Variants in GALNT13 observed in about 807,000 individuals in gnomAD.
The protein encoded by GALNT13 is UDP-GalNAc:polypeptide N-acetylgalactosaminyltransferase 13.
A neutral mutation model predicts 64.2 loss-of-function variants in GALNT13; 28 were observed. The ratio of observed to expected loss-of-function variants is 0.44; its 90% CI spans 0.32 to 0.60. The LOEUF (loss-of-function observed/expected upper bound fraction) is 0.60. GALNT13 is among the 20% of genes least tolerant of loss of function. The pLI is 0.05. For synonymous variants in GALNT13, 214 were observed against 224.6 expected (o/e 0.95, Z 0.42); for missense variants, 577 against 669.8 (o/e 0.86, Z 1.53).
intron 8 of GALNT13, among the ~76,000 whole-genome samples, chr2:154,277,660 A>G (rs968079837): frequency 6.6e-6 from 1 of 152,166 alleles, no homozygotes; most frequent in Non-Finnish European, 1.5e-5. Context: ...CCAACTGTAA[A>G]AAATTGAGTG....
chr2:153,265,947 G>A, the GALNT13 span, among the ~76,000 whole-genome samples: 6 of 152,134 alleles, frequency 3.9e-5, no homozygotes, highest in Non-Finnish European at 1.5e-5. Flanking sequence ...CTACTAAAAA[G>A]CATCACATAC....
At chr2:154,406,731 C>A (rs982223556) in intron 10 of GALNT13, among the ~76,000 whole-genome samples, 3 of 152,070 alleles carry the variant, frequency 2.0e-5, no homozygotes, top group Non-Finnish European at 4.4e-5. Context: ...TATTACAAAT[C>A]TATTTATTTG....
the GALNT13 span, among the ~76,000 whole-genome samples, chr2:153,356,784 TTCC>T: frequency 0.52 from 64,783 of 124,306 alleles, 22,517 homozygotes; most frequent in Non-Finnish European, 0.63. Context: ...AATTTTCTTC[TTCC>T]TCTTTTTTTT....
chr2:153,360,719 C>A, the GALNT13 span, among the ~76,000 whole-genome samples: 1 of 151,926 alleles, frequency 6.6e-6, no homozygotes, highest in Non-Finnish European at 1.5e-5. Flanking sequence ...ATTTTGATCT[C>A]CCTGAACCTG....
chr2:153,937,280 C>A (rs1199431066), intron 2 of GALNT13, among the ~76,000 whole-genome samples: 1 of 152,028 alleles, frequency 6.6e-6, no homozygotes, highest in East Asian at 1.9e-4. Context: ...TATAGCTATA[C>A]AATGGAATAT....
intron 8 of GALNT13, among the ~76,000 whole-genome samples, chr2:154,275,424 A>AGCTATGGGTAAAAG (rs1559062474): frequency 6.6e-6 from 1 of 152,170 alleles, no homozygotes; most frequent in East Asian, 1.9e-4. Flanking sequence ...CAGATGCTCT[A>AGCTATGGGTAAAAG]GCTATGGGTA....
chr2:153,612,856 T>G, the GALNT13 span, among the ~76,000 whole-genome samples: 2 of 152,176 alleles, frequency 1.3e-5, no homozygotes, highest in African/African-American at 4.8e-5. Flanking sequence ...TGGTACTGTG[T>G]GATTCTTTGT....
At chr2:153,516,597 G>A in the GALNT13 span, among the ~76,000 whole-genome samples, 16 of 152,056 alleles carry the variant, frequency 1.1e-4, no homozygotes, top group Non-Finnish European at 1.9e-4. Context: ...GAGAAAAAGG[G>A]CATGTGATGG....
At chr2:154,028,485 A>C (rs1342496398) in intron 3 of GALNT13, among the ~76,000 whole-genome samples, 1 of 152,200 alleles carries the variant, frequency 6.6e-6, no homozygotes, top group African/African-American at 2.4e-5. Flanking sequence ...CTACTTAAAG[A>C]TGCACTTTTT....
chr2:154,049,664 G>A (rs1398063760), intron 3 of GALNT13, among the ~76,000 whole-genome samples: 1 of 151,564 alleles, frequency 6.6e-6, no homozygotes, highest in Non-Finnish European at 1.5e-5. Context: ...TAGTTTAATA[G>A]CCTAATGGGA....
At chr2:153,891,869 T>C (rs1687576739) in intron 1 of GALNT13, among the ~76,000 whole-genome samples, 1 of 151,982 alleles carries the variant, frequency 6.6e-6, no homozygotes, top group Admixed American at 6.6e-5. Flanking sequence ...TTTTACCCCC[T>C]CTTAATCTAC....
chr2:153,478,739 C>T, the GALNT13 span: 1 of 608,526 alleles, frequency 1.6e-6, no homozygotes, highest in South Asian at 2.2e-5. Flanking sequence ...GCCTCTCCGA[C>T]GCGCGCAGCA....
chr2:154,085,503 G>A (rs1701478574), intron 3 of GALNT13, among the ~76,000 whole-genome samples: 2 of 151,926 alleles, frequency 1.3e-5, no homozygotes, highest in African/African-American at 4.8e-5. Flanking sequence ...AAGACAGGAT[G>A]GTATAAAAGA....
chr2:153,571,557 C>G, the GALNT13 span, among the ~76,000 whole-genome samples: 1 of 151,936 alleles, frequency 6.6e-6, no homozygotes, highest in South Asian at 2.1e-4. Flanking sequence ...CAGGTTTTCC[C>G]CATTCAGTAT....
At chr2:153,720,183 A>AC in the GALNT13 span, among the ~76,000 whole-genome samples, 1 of 144,966 alleles carries the variant, frequency 6.9e-6, no homozygotes, top group African/African-American at 2.6e-5. Context: ...ACTGGGAGGC[A>AC]CCCCCCAGCA....
At chr2:153,588,949 C>T in the GALNT13 span, among the ~76,000 whole-genome samples, 19 of 152,018 alleles carry the variant, frequency 1.2e-4, no homozygotes, top group African/African-American at 3.9e-4. Context: ...GGTGGATCAC[C>T]TGATGTTGGG....
the GALNT13 span, among the ~76,000 whole-genome samples, chr2:153,293,743 A>G: frequency 0.38 from 57,453 of 151,196 alleles, 11,320 homozygotes; most frequent in Middle Eastern, 0.5. Flanking sequence ...AAAGATTAAC[A>G]TGTTACTTTT....
At chr2:154,381,527 A>G (rs894863701) in intron 9 of GALNT13, among the ~76,000 whole-genome samples, 1 of 152,098 alleles carries the variant, frequency 6.6e-6, no homozygotes, top group African/African-American at 2.4e-5. Flanking sequence ...AAGAAACTGT[A>G]TAGAGGTTTT....
intron 3 of GALNT13, among the ~76,000 whole-genome samples, chr2:153,970,754 C>T (rs1693684833): frequency 2.0e-5 from 3 of 152,110 alleles, no homozygotes. Context: ...TTGGCAGTTT[C>T]ATCACTCCGG....
Sources: allele counts gnomAD v4.1 joint callset (sites outside exome capture counted in the v4.1 genomes callset), GRCh38; gene constraint gnomAD v4.1.1; transcripts MANE v1.5; gene names NCBI Gene and HGNC (gene_info 2026-07-23, HGNC 2026-07-21).